Variants in MACROD2 observed in about 807,000 individuals in gnomAD.
MACROD2 encodes the protein mono-ADP ribosylhydrolase 2.
In MACROD2, 36 loss-of-function variants were observed where a neutral mutation model predicts 70.4. The ratio of observed to expected loss-of-function variants is 0.51; its 90% CI spans 0.39 to 0.68. MACROD2 has a LOEUF of 0.68. Ranked by LOEUF, MACROD2 falls within the 30% of genes least tolerant of loss-of-function variation. The probability of loss-of-function intolerance (pLI) is 0.00; values close to 1 mark genes in which losing one functional copy is unlikely to be tolerated. For missense variants in MACROD2, 496 were observed against 538.4 expected, an observed-to-expected ratio of 0.92 and a Z score of 0.78; for synonymous variants, 172 against 178.8, an observed-to-expected ratio of 0.96 and a Z score of 0.30.
chr20:15,167,799 G>T lies in MACROD2; in HGVS notation c.419-62141G>T, dbSNP rs376709365. Among the ~76,000 whole-genome samples the T allele has an allele frequency of 3.3e-5, 5 of 152,218 alleles. No individual in the cohort carries two copies. In the East Asian group the frequency reaches 7.8e-4, roughly 24 times the overall value. ...GACAACCTGATGTTCTTTAAACCGT[G>T]AGTAGAGATATTGAAGTAAATGAGT... On this transcript the variant is annotated intron_variant, in intron 5 of 17. Transcript: ENST00000684519.
At chr20:15,022,105 C>G (rs2075191741) in intron 5 of MACROD2, among the ~76,000 whole-genome samples, 1 of 152,082 alleles carries the variant, frequency 6.6e-6, no homozygotes, top group Non-Finnish European at 1.5e-5. Context: ...ATTATGTAAT[C>G]CTTTCTAATA....
Position 15,123,976 on chromosome 20 carries a change from T to C in MACROD2, c.419-105964T>C, listed in dbSNP as rs898694284. ...ACTTTCTGACTCTCAGCTTTTCACATCTGAAACGTAAAAAAAAGATTTGTA... is the reference window on the plus strand; with the variant it reads ...ACTTTCTGACTCTCAGCTTTTCACACCTGAAACGTAAAAAAAAGATTTGTA... On this transcript the variant is annotated intron_variant, in intron 5 of 17. Transcript: ENST00000684519. Among the ~76,000 whole-genome samples the C allele has an allele frequency of 2.0e-5, 3 of 152,254 alleles. No individual in the cohort carries two copies. In the East Asian group the frequency reaches 5.8e-4, roughly 29 times the overall value.
chr20:15,482,940 A>G lies in MACROD2; in HGVS notation c.572-16834A>G, dbSNP rs151101819. Among the ~76,000 whole-genome samples, 1,114 of 152,184 alleles carry G rather than the reference A, an allele frequency of 7.3e-3. 7 individuals carry two copies. Among genetic ancestry groups the G allele is most frequent in the Middle Eastern group, 0.014 (4 of 294 alleles). On this transcript the variant is annotated intron_variant, in intron 7 of 17. Coordinates refer to ENST00000684519, the MANE Select transcript of MACROD2 (RefSeq NM_001351661.2). ...TTCATTTATTTATTAGTGAGTTTTA[A>G]GAGTTTCTTGTATATTTAGGATAAA...
intron 4 of MACROD2, among the ~76,000 whole-genome samples, chr20:14,584,661 G>C (rs1981255223): frequency 1.3e-5 from 2 of 152,056 alleles, no homozygotes; most frequent in Admixed American, 1.3e-4. Flanking sequence ...GAAATTTGGT[G>C]GGGGGACACA....
At chr20:15,422,219 G>A (rs2046238645) in intron 6 of MACROD2, among the ~76,000 whole-genome samples, 1 of 152,134 alleles carries the variant, frequency 6.6e-6, no homozygotes, top group South Asian at 2.1e-4. Context: ...AAGAGGACAT[G>A]ACACTATTTA....
intron 5 of MACROD2, among the ~76,000 whole-genome samples, chr20:14,694,108 T>A (rs1352517989): frequency 2.6e-5 from 4 of 152,046 alleles, no homozygotes; most frequent in Non-Finnish European, 4.4e-5. Flanking sequence ...GAACCTCAGA[T>A]AATGGTAAGG....
chr20:14,975,493 C>T (rs2074731025), intron 5 of MACROD2, among the ~76,000 whole-genome samples: 1 of 151,898 alleles, frequency 6.6e-6, no homozygotes, highest in Non-Finnish European at 1.5e-5. Context: ...AAGCAGGGTA[C>T]CTTCGACAGG....
intron 3 of MACROD2, among the ~76,000 whole-genome samples, chr20:14,311,258 T>C (rs1012884596): frequency 1.3e-5 from 2 of 152,208 alleles, no homozygotes; most frequent in African/African-American, 4.8e-5. Context: ...ATATTTTTAA[T>C]GTACCTTTTC....
At chr20:14,069,849 C>A (rs1395499459) in intron 2 of MACROD2, among the ~76,000 whole-genome samples, 1 of 151,496 alleles carries the variant, frequency 6.6e-6, no homozygotes, top group African/African-American at 2.4e-5. Flanking sequence ...AAACATGACC[C>A]AACCAGAGGC....
At chr20:15,744,146 A>C (rs968758648) in intron 8 of MACROD2, among the ~76,000 whole-genome samples, 1 of 152,192 alleles carries the variant, frequency 6.6e-6, no homozygotes, top group Non-Finnish European at 1.5e-5. Flanking sequence ...TTATTCAAAA[A>C]AGGCTAGATG....
chr20:14,084,889 G>A (rs1370740819), intron 2 of MACROD2, among the ~76,000 whole-genome samples: 5 of 151,770 alleles, frequency 3.3e-5, no homozygotes, highest in Non-Finnish European at 5.9e-5. Context: ...TTGGGAGGCC[G>A]AGGTGGGCAG....
chr20:15,611,248 A>C (rs1448992183), intron 8 of MACROD2, among the ~76,000 whole-genome samples: 1 of 152,082 alleles, frequency 6.6e-6, no homozygotes, highest in Non-Finnish European at 1.5e-5. Context: ...TTCATTTTAC[A>C]GGTGAAATAA....
At chr20:14,605,001 C>T (rs1201187461) in intron 4 of MACROD2, among the ~76,000 whole-genome samples, 1 of 152,166 alleles carries the variant, frequency 6.6e-6, no homozygotes, top group Admixed American at 6.6e-5. Flanking sequence ...TTGCATAATG[C>T]TCTATACAGT....
intron 5 of MACROD2, among the ~76,000 whole-genome samples, chr20:15,031,954 G>A (rs1053413242): frequency 6.6e-6 from 1 of 152,136 alleles, no homozygotes; most frequent in African/African-American, 2.4e-5. Context: ...GCCCAGGCCC[G>A]CACCGAGCTG....
chr20:14,498,031 G>C, intron 4 of MACROD2, among the ~76,000 whole-genome samples: 1 of 151,828 alleles, frequency 6.6e-6, no homozygotes, highest in Non-Finnish European at 1.5e-5. Context: ...TCAGTGCCTT[G>C]TGTTAGTACC....
intron 8 of MACROD2, among the ~76,000 whole-genome samples, chr20:15,858,759 G>A (rs973129496): frequency 6.6e-6 from 1 of 152,186 alleles, no homozygotes; most frequent in African/African-American, 2.4e-5. Flanking sequence ...CTCATGGCAT[G>A]GTGGTTGGGT....
chr20:15,804,851 T>A (rs1209277057), intron 8 of MACROD2, among the ~76,000 whole-genome samples: 1 of 152,124 alleles, frequency 6.6e-6, no homozygotes, highest in Non-Finnish European at 1.5e-5. Context: ...GAATTTAATA[T>A]CTCCCACCTT....
intron 3 of MACROD2, among the ~76,000 whole-genome samples, chr20:14,135,732 A>G (rs1485422610): frequency 6.6e-6 from 1 of 152,170 alleles, no homozygotes; most frequent in Non-Finnish European, 1.5e-5. Flanking sequence ...TGGTTGACAA[A>G]ATTCACTATT....
At chr20:14,375,681 T>C (rs554608528) in intron 3 of MACROD2, among the ~76,000 whole-genome samples, 134 of 152,300 alleles carry the variant, frequency 8.8e-4, no homozygotes, top group Non-Finnish European at 1.4e-3. Context: ...GAGTTTCAAA[T>C]GACAAGCTAG....
Sources: gnomAD v4.1 joint callset for allele counts (sites outside exome capture counted in the v4.1 genomes callset) on GRCh38, gnomAD v4.1.1 for gene constraint, MANE v1.5 for transcripts, NCBI Gene and HGNC (gene_info 2026-07-23, HGNC 2026-07-21) for gene names.